Variants in DPYD observed in about 807,000 individuals in gnomAD.
DPYD encodes the protein dihydropyrimidine dehydrogenase [NADP(+)].
In DPYD, 109 loss-of-function variants were observed where a neutral mutation model predicts 116.2. That is an observed-to-expected ratio of 0.94 (90% CI 0.80 to 1.10). The LOEUF (loss-of-function observed/expected upper bound fraction) is 1.10, where lower values mean the gene tolerates loss of function less well. Ranked by LOEUF, DPYD falls within the 50% of genes least tolerant of loss-of-function variation. DPYD has a pLI of 0.00. For synonymous variants in DPYD, 440 were observed against 432.0 expected, an observed-to-expected ratio of 1.02 and a Z score of -0.23; for missense variants, 1,302 against 1,254.5, an observed-to-expected ratio of 1.04 and a Z score of -0.57.
intron 16 of DPYD, among the ~76,000 whole-genome samples, chr1:97,336,665 G>T (rs929496397): frequency 6.6e-6 from 1 of 152,156 alleles, no homozygotes; most frequent in Non-Finnish European, 1.5e-5. Flanking sequence ...CAGGAGAATT[G>T]CTTGAACCCA....
chr1:97,371,077 T>A (rs1360294199), intron 16 of DPYD, among the ~76,000 whole-genome samples: 1 of 152,106 alleles, frequency 6.6e-6, no homozygotes, highest in Non-Finnish European at 1.5e-5. Flanking sequence ...AGCTTATATA[T>A]ATGTATATAT....
intron 19 of DPYD, among the ~76,000 whole-genome samples, chr1:97,194,468 C>T (rs1355610452): frequency 1.3e-5 from 2 of 151,934 alleles, no homozygotes; most frequent in Admixed American, 1.3e-4. Flanking sequence ...AACCTCTTTC[C>T]TTTATAAATT....
chr1:97,279,523 T>C (rs533976552), intron 18 of DPYD, among the ~76,000 whole-genome samples: 17 of 152,074 alleles, frequency 1.1e-4, no homozygotes, highest in Non-Finnish European at 2.1e-4. Flanking sequence ...GTTTGTTTGT[T>C]TACTTGAGAT....
At chr1:97,114,726 G>A (rs1651844848) in intron 20 of DPYD, among the ~76,000 whole-genome samples, 1 of 151,992 alleles carries the variant, frequency 6.6e-6, no homozygotes, top group East Asian at 1.9e-4. Flanking sequence ...AATAGTCTGA[G>A]GAAAGCAGAT....
chr1:97,700,130 T>C, intron 5 of DPYD: 1 of 427,404 alleles, frequency 2.3e-6, no homozygotes, highest in Non-Finnish European at 4.7e-6. Context: ...CAGAGGAAAG[T>C]AAGAACAAAG....
Position 97,763,953 on chromosome 1 carries a change from C to T in DPYD, c.234-23474G>A, listed in dbSNP as rs573132577. ...CTTCCAGTCAGGTCACAATTGTTTGCACTAACAGTTACTACATATTTTATT... is the reference window on the plus strand; with the variant it reads ...CTTCCAGTCAGGTCACAATTGTTTGTACTAACAGTTACTACATATTTTATT... On this transcript the variant is annotated intron_variant, in intron 3 of 22. Transcript: ENST00000370192. 1.2e-3 allele frequency among the ~76,000 whole-genome samples: 188 copies of T among 152,134 alleles called. No homozygotes were observed. The Middle Eastern group carries it at 0.024, about 19-fold the overall frequency.
At chr1:97,337,518 C>G (rs1052890830) in intron 16 of DPYD, among the ~76,000 whole-genome samples, 3 of 152,152 alleles carry the variant, frequency 2.0e-5, no homozygotes, top group Admixed American at 2.0e-4. Context: ...TCACCTAGGC[C>G]TCCTAAGACA....
At chr1:97,402,156 A>G (rs572867203) in intron 14 of DPYD, among the ~76,000 whole-genome samples, 2 of 152,212 alleles carry the variant, frequency 1.3e-5, no homozygotes, top group East Asian at 3.9e-4. Flanking sequence ...AATGCCCACA[A>G]CACAACTTGC....
chr1:97,877,804 G>T (rs1453562265), intron 2 of DPYD, among the ~76,000 whole-genome samples: 10 of 151,896 alleles, frequency 6.6e-5, no homozygotes, highest in Non-Finnish European at 1.5e-4. Flanking sequence ...TGTCAATGGA[G>T]GGACATATAT....
chr1:97,289,352 C>A (rs1183972019), intron 18 of DPYD, among the ~76,000 whole-genome samples: 2 of 152,144 alleles, frequency 1.3e-5, no homozygotes, highest in African/African-American at 4.8e-5. Context: ...CCAGCATCAT[C>A]CTGATACCAA....
intron 19 of DPYD, among the ~76,000 whole-genome samples, chr1:97,205,981 G>A (rs1659563164): frequency 6.6e-6 from 1 of 152,030 alleles, no homozygotes; most frequent in South Asian, 2.1e-4. Context: ...GGGAATGAAT[G>A]GTGGACATTG....
intron 10 of DPYD, among the ~76,000 whole-genome samples, chr1:97,577,202 CAT>C (rs531326089): frequency 1.3e-5 from 2 of 152,176 alleles, no homozygotes; most frequent in Non-Finnish European, 2.9e-5. Context: ...CCTTGACACA[CAT>C]AGTTTCCAAT....
chr1:97,656,202 C>T (rs1658895172), intron 8 of DPYD, among the ~76,000 whole-genome samples: 1 of 152,082 alleles, frequency 6.6e-6, no homozygotes, highest in South Asian at 2.1e-4. Context: ...TTCTGGCAGC[C>T]CAGCAAGAAG....
At chr1:97,367,308 G>T (rs1379064153) in intron 16 of DPYD, among the ~76,000 whole-genome samples, 1 of 151,194 alleles carries the variant, frequency 6.6e-6, no homozygotes, top group Non-Finnish European at 1.5e-5. Flanking sequence ...ACAGTTTTAT[G>T]CAAATTAAGT....
intron 19 of DPYD, among the ~76,000 whole-genome samples, chr1:97,223,326 C>T (rs1235179104): frequency 2.0e-5 from 3 of 151,232 alleles, no homozygotes; most frequent in Non-Finnish European, 3.0e-5. Context: ...TTCATCTTTC[C>T]GTTATATTTC....
Position 97,852,577 on chromosome 1 carries a change from TG to T in DPYD, c.151-24382del, listed in dbSNP as rs558284684. ...CAAGTGGAGTGTAGCCATTGAGCAA[TG>T]AACACTGCATTTTTATCAGTGATTT... On this transcript the variant is annotated intron_variant, in intron 2 of 22. Coordinates refer to ENST00000370192, the MANE Select transcript of DPYD (RefSeq NM_000110.4). Among the ~76,000 whole-genome samples the T allele has an allele frequency of 2.5e-3, 375 of 152,252 alleles. 6 individuals are homozygous for T. Among genetic ancestry groups the T allele is most frequent in the African/African-American group, 8.6e-3 (359 of 41,562 alleles).
chr1:97,416,761 TC>T (rs1470895735), intron 14 of DPYD, among the ~76,000 whole-genome samples: 9 of 152,178 alleles, frequency 5.9e-5, no homozygotes, highest in African/African-American at 2.2e-4. Flanking sequence ...GCTCCACTCA[TC>T]ACTGGAATGG....
intron 8 of DPYD, among the ~76,000 whole-genome samples, chr1:97,612,906 T>C (rs1571060399): frequency 1.3e-5 from 2 of 152,030 alleles, no homozygotes; most frequent in East Asian, 3.9e-4. Context: ...CAACACTACA[T>C]GGATGTTTTT....
chr1:97,609,585 G>A (rs1655808662), intron 8 of DPYD, among the ~76,000 whole-genome samples: 1 of 151,932 alleles, frequency 6.6e-6, no homozygotes, highest in Non-Finnish European at 1.5e-5. Context: ...GACAAACTGA[G>A]GTTCAAGGCA....
Sources: allele counts gnomAD v4.1 joint callset (sites outside exome capture counted in the v4.1 genomes callset), GRCh38; gene constraint gnomAD v4.1.1; transcripts MANE v1.5; gene names NCBI Gene and HGNC (gene_info 2026-07-23, HGNC 2026-07-21).